The following AUTS2 variants were observed in gnomAD, a reference collection of about 807,000 sequenced individuals.
AUTS2 encodes the protein autism susceptibility gene 2 protein.
A neutral mutation model predicts 112.4 loss-of-function variants in AUTS2; 17 were observed. That is an observed-to-expected ratio of 0.15 (90% CI 0.10 to 0.23). The LOEUF is 0.23. AUTS2 is among the 10% of genes least tolerant of loss of function. AUTS2 has a pLI of 1.00. For synonymous variants in AUTS2, 751 were observed against 702.7 expected (o/e 1.07, Z -1.09); for missense variants, 1,510 against 1,701.6 (o/e 0.89, Z 1.98).
chr7:69,853,703 T>C (rs1792590896), intron 1 of AUTS2, among the ~76,000 whole-genome samples: 3 of 152,148 alleles, frequency 2.0e-5, no homozygotes, highest in Admixed American at 2.0e-4. Context: ...GCCTGTTCTC[T>C]CTACCTTCAA....
intron 4 of AUTS2, among the ~76,000 whole-genome samples, chr7:70,369,197 G>C (rs1056773801): frequency 1.3e-5 from 2 of 152,168 alleles, no homozygotes; most frequent in Non-Finnish European, 2.9e-5. Flanking sequence ...GAAATTGATT[G>C]TACATCTATC....
chr7:70,198,702 A>T (rs1439612831), intron 4 of AUTS2, among the ~76,000 whole-genome samples: 19 of 18,600 alleles, frequency 1.0e-3, no homozygotes, highest in Middle Eastern at 9.3e-3. Flanking sequence ...GAAAAGACCA[A>T]ATCTACGTCT....
intron 1 of AUTS2, among the ~76,000 whole-genome samples, chr7:69,747,956 G>T (rs992858855): frequency 6.6e-6 from 1 of 151,972 alleles, no homozygotes; most frequent in South Asian, 2.1e-4. Flanking sequence ...ATATGGGATG[G>T]CTTAGCATTG....
intron 4 of AUTS2, among the ~76,000 whole-genome samples, chr7:70,148,249 G>T (rs1361785775): frequency 6.6e-6 from 1 of 151,856 alleles, no homozygotes; most frequent in East Asian, 1.9e-4. Context: ...TGGATTCTGG[G>T]GTGTCAGAAT....
chr7:70,107,446 C>A (rs977021268), intron 2 of AUTS2, among the ~76,000 whole-genome samples: 4 of 147,944 alleles, frequency 2.7e-5, no homozygotes, highest in Non-Finnish European at 4.5e-5. Context: ...CAGGTTCAGG[C>A]AATTCTCCTG....
chr7:70,752,986 T>C (rs1788964221), intron 6 of AUTS2, among the ~76,000 whole-genome samples: 1 of 152,130 alleles, frequency 6.6e-6, no homozygotes, highest in Non-Finnish European at 1.5e-5. Flanking sequence ...AAGGCAGATG[T>C]TTTGGTTTTA....
At position 70,792,531 on chromosome 7, in the gene AUTS2, A is replaced by C. The variant is rs559084410; in HGVS notation, c.*1535A>C. Reference sequence around the variant, plus strand: ...AAGTTAACTACAGACCATTGTTTCTAATAAGCAGAGAGATCTATTTTAGTA... The same window carrying C: ...AAGTTAACTACAGACCATTGTTTCTCATAAGCAGAGAGATCTATTTTAGTA... On this transcript the variant is annotated 3_prime_UTR_variant, in exon 19 of 19. Transcript: ENST00000342771. The C allele has an allele frequency of 1.3e-5, 2 of 149,954 alleles. No homozygotes were observed. Among genetic ancestry groups the C allele is most frequent in the South Asian group, 4.2e-4 (2 of 4,766 alleles). The allele number at this position is 149,954 out of a possible 1,614,324, so 9.3% of individuals were successfully genotyped here.
At chr7:69,854,582 A>T (rs1012497885) in intron 1 of AUTS2, among the ~76,000 whole-genome samples, 4 of 152,086 alleles carry the variant, frequency 2.6e-5, no homozygotes, top group Non-Finnish European at 5.9e-5. Flanking sequence ...TGTGTTTCTT[A>T]ATGTTCCTAG....
intron 5 of AUTS2, among the ~76,000 whole-genome samples, chr7:70,667,369 C>A (rs944016948): frequency 5.1e-4 from 78 of 152,124 alleles, no homozygotes; most frequent in Non-Finnish European, 6.8e-4. Flanking sequence ...ATTTATTAAT[C>A]CAGCCCAAAA....
intron 4 of AUTS2, among the ~76,000 whole-genome samples, chr7:70,163,360 A>AGGGGG (rs1562753323): frequency 1.2e-3 from 3 of 2,460 alleles, no homozygotes; most frequent in African/African-American, 2.2e-3. Context: ...GGGGGGGGGC[A>AGGGGG]GAGGGGGAGG....
chr7:70,765,048 C>A, intron 8 of AUTS2, 43 bp downstream of exon 8: 1 of 1,607,544 alleles, frequency 6.2e-7, no homozygotes, highest in Non-Finnish European at 8.5e-7. Flanking sequence ...ACCCCCACCG[C>A]CCCTCGCTGT....
At chr7:70,203,108 A>G (rs1348931183) in intron 4 of AUTS2, among the ~76,000 whole-genome samples, 5 of 143,726 alleles carry the variant, frequency 3.5e-5, no homozygotes, top group Middle Eastern at 3.4e-3. Flanking sequence ...AAAACCAAAC[A>G]CCGCATATTC....
chr7:70,402,151 C>A (rs529335117), intron 4 of AUTS2, among the ~76,000 whole-genome samples: 1 of 152,362 alleles, frequency 6.6e-6, no homozygotes, highest in African/African-American at 2.4e-5. Context: ...GAGGCACCTC[C>A]AGGGTGCCCA....
chr7:69,658,059 T>C (rs1199660285), intron 1 of AUTS2, among the ~76,000 whole-genome samples: 1 of 152,262 alleles, frequency 6.6e-6, no homozygotes, highest in African/African-American at 2.4e-5. Flanking sequence ...ATATATTTCA[T>C]GCCACGTGAA....
At chr7:69,850,928 C>T (rs1035890291) in intron 1 of AUTS2, among the ~76,000 whole-genome samples, 2 of 152,170 alleles carry the variant, frequency 1.3e-5, no homozygotes, top group East Asian at 3.9e-4. Flanking sequence ...TCACCAAACC[C>T]ATAGGTCCTG....
chr7:70,213,682 G>T (rs1273826644), intron 4 of AUTS2, among the ~76,000 whole-genome samples: 1 of 152,042 alleles, frequency 6.6e-6, no homozygotes, highest in Non-Finnish European at 1.5e-5. Context: ...GCTCTAAAAC[G>T]ATGGCTCTTG....
intron 3 of AUTS2, among the ~76,000 whole-genome samples, chr7:70,133,241 G>A (rs924148243): frequency 1.3e-5 from 2 of 152,178 alleles, no homozygotes; most frequent in East Asian, 1.9e-4. Context: ...TGTAGATATA[G>A]TTACAGTACC....
At chr7:70,609,956 TTTTTTGTTG>T (rs750471814) in intron 5 of AUTS2, among the ~76,000 whole-genome samples, 7,971 of 128,434 alleles carry the variant, frequency 0.062, 237 homozygotes, top group Non-Finnish European at 0.075. Context: ...GGAAGTTCTG[TTTTTTGTTG>T]TTGTTGTTGT....
At chr7:70,722,327 G>C (rs1786739209) in intron 6 of AUTS2, among the ~76,000 whole-genome samples, 1 of 152,074 alleles carries the variant, frequency 6.6e-6, no homozygotes, top group African/African-American at 2.4e-5. Context: ...AGTTTGCTTA[G>C]ATTTTTTGTG....
Sources: gnomAD v4.1 joint callset for allele counts (sites outside exome capture counted in the v4.1 genomes callset) on GRCh38, gnomAD v4.1.1 for gene constraint, MANE v1.5 for transcripts, NCBI Gene and HGNC (gene_info 2026-07-23, HGNC 2026-07-21) for gene names.